The following TULP4 variants were observed in gnomAD, a reference collection of about 807,000 sequenced individuals.
The protein encoded by TULP4 is tubby-related protein 4.
In TULP4, 16 loss-of-function variants were observed where a neutral mutation model predicts 129.0. The ratio of observed to expected loss-of-function variants is 0.12; its 90% confidence interval spans 0.08 to 0.19. The LOEUF (loss-of-function observed/expected upper bound fraction) is 0.19, where lower values mean the gene tolerates loss of function less well. TULP4 is among the 10% of genes least tolerant of loss of function. The pLI is 1.00. For synonymous variants in TULP4, 998 were observed against 854.0 expected, an observed-to-expected ratio of 1.17 and a Z score of -2.94; for missense variants, 1,842 against 2,059.1, an observed-to-expected ratio of 0.89 and a Z score of 2.04.
At position 158,461,581 on chromosome 6, in the gene TULP4, G is replaced by C; in HGVS notation, c.878G>C (p.Cys293Ser). ...SGLKEVVAQW[C>S]TQGDLLAVAG... is the part of the protein sequence containing the mutation. The stretch of plus-strand genomic sequence containing the variant: ...GTTTCAGAGGTGGTAGCCCAGTGGT[G>C]CACACAGGGGGACTTGCTGGCAGTC... The change falls in exon 6 of 14, where the codon TGC becomes TCC. Residue 293 changes from cysteine to serine, a missense_variant. Physicochemically the swap from Cys to Ser is moderately radical, Grantham distance 112. Coordinates refer to ENST00000367097, the MANE Select transcript of TULP4 (RefSeq NM_020245.5). The C allele has an allele frequency of 6.2e-7, 1 of 1,613,648 alleles. No homozygotes were observed. Among genetic ancestry groups the C allele is most frequent in the South Asian group, 1.1e-5 (1 of 91,032 alleles).
chr6:158,281,599 C>G (rs1305142063), upstream of TULP4, among the ~76,000 whole-genome samples: 2 of 152,122 alleles, frequency 1.3e-5, no homozygotes, highest in African/African-American at 4.8e-5. Flanking sequence ...GCCTTAGAAC[C>G]AATCCTTAGC....
intron 1 of TULP4, among the ~76,000 whole-genome samples, chr6:158,379,519 A>G (rs1222059006): frequency 3.3e-5 from 5 of 152,186 alleles, no homozygotes; most frequent in Non-Finnish European, 4.4e-5. Flanking sequence ...ATGTTTCATG[A>G]CGGTTTAAAG....
chr6:158,479,680 T>G lies in TULP4; in HGVS notation c.1027-71T>G, dbSNP rs963211350. On this transcript the variant is annotated intron_variant, in intron 6 of 13. Coordinates refer to ENST00000367097, the MANE Select transcript of TULP4 (RefSeq NM_020245.5). ...CTTATTTTATTTTGCTCGAGACAAG[T>G]GTGCATTATCCCTTTTTGCTTCCCA... The G allele has an allele frequency of 4.9e-6, 7 of 1,425,256 alleles. No homozygotes were observed. In the African/African-American group the frequency reaches 8.4e-5, roughly 17 times the overall value. 88.3% of individuals were successfully genotyped at this position (1,425,256 alleles called of 1,614,324 possible).
At chr6:158,451,214 G>C (rs1042046764) in intron 4 of TULP4, among the ~76,000 whole-genome samples, 3 of 144,036 alleles carry the variant, frequency 2.1e-5, no homozygotes, top group African/African-American at 8.8e-5. Context: ...CTCAGAAGCA[G>C]GGGGGGCAGT....
chr6:158,377,664 C>T (rs747172628), intron 1 of TULP4, among the ~76,000 whole-genome samples: 20 of 152,102 alleles, frequency 1.3e-4, no homozygotes, highest in Admixed American at 4.6e-4. Flanking sequence ...CCAAGTCTAG[C>T]GGGTGGCTGA....
upstream of TULP4, among the ~76,000 whole-genome samples, chr6:158,278,014 G>A (rs1488748242): frequency 6.6e-6 from 1 of 152,172 alleles, no homozygotes; most frequent in East Asian, 1.9e-4. Context: ...TTGAACCAGA[G>A]CCCAGGCTCA....
At chr6:158,330,401 G>A (rs552044151) in intron 1 of TULP4, among the ~76,000 whole-genome samples, 114 of 152,244 alleles carry the variant, frequency 7.5e-4, no homozygotes, top group African/African-American at 2.5e-3. Context: ...TTGGAATAAA[G>A]TACAAAGAAT....
chr6:158,233,080 C>T lies in TULP4; in HGVS notation n.68+777C>T, dbSNP rs184163524. 1.7e-3 allele frequency among the ~76,000 whole-genome samples: 263 copies of T among 152,282 alleles called. 5 individuals carry two copies. The highest frequency in any genetic ancestry group is 3.7e-4 in the Non-Finnish European group (25 of 68,026). The stretch of plus-strand genomic sequence containing the variant: ...GGGAGGTGTCTACTTCTTCCTGTGG[C>T]GACACCGCTTCAGGGATGGGAAGGT... On this transcript the variant is annotated intron_variant and non_coding_transcript_variant, in intron 1 of 1. Coordinates refer to the TULP4 transcript ENST00000620026.
chr6:158,485,740 A>T (rs1345606944), intron 8 of TULP4, among the ~76,000 whole-genome samples: 1 of 152,214 alleles, frequency 6.6e-6, no homozygotes, highest in Non-Finnish European at 1.5e-5. Flanking sequence ...AGGATATCAA[A>T]CCAAAGAAGA....
Position 158,313,805 on chromosome 6 carries a change from C to T in TULP4, c.-212C>T, listed in dbSNP as rs1209150685. 6 of 554,606 alleles carry T rather than the reference C, an allele frequency of 1.1e-5. No individual in the cohort carries two copies. The East Asian group carries it at 1.5e-4, about 14-fold the overall frequency. 34.4% of individuals were successfully genotyped at this position (554,606 alleles called of 1,614,324 possible). ...AGCATTACCTTTTCTTAGAAGACTG[C>T]CATCATCTTTTATAGAGGAATTTTT... On this transcript the variant is annotated 5_prime_UTR_variant, in exon 1 of 14. Coordinates refer to ENST00000367097, the MANE Select transcript of TULP4 (RefSeq NM_020245.5).
intron 1 of TULP4, among the ~76,000 whole-genome samples, chr6:158,406,499 A>C (rs1777980371): frequency 6.6e-6 from 1 of 152,212 alleles, no homozygotes. Context: ...AGGAGTTTGC[A>C]GCTATGATGA....
At chr6:158,375,967 GC>G (rs1365937517) in intron 1 of TULP4, among the ~76,000 whole-genome samples, 3 of 152,226 alleles carry the variant, frequency 2.0e-5, no homozygotes, top group Non-Finnish European at 4.4e-5. Flanking sequence ...CTGCGGGATG[GC>G]TCTGCTTTGC....
intron 1 of TULP4, chr6:158,232,375 C>T (rs1334251659): frequency 6.7e-6 from 1 of 148,818 alleles, no homozygotes; most frequent in East Asian, 2.0e-4. Context: ...AGCGTCGTCC[C>T]TGCCCCGCCG....
In TULP4 at chr6:158,313,519, C is replaced by T. The variant is rs1191650256; in HGVS notation, c.-498C>T. On this transcript the variant is annotated 5_prime_UTR_variant, in exon 1 of 14. Coordinates refer to ENST00000367097, the MANE Select transcript of TULP4 (RefSeq NM_020245.5). ...ATCCTGTGTATTCTGTCTCTGCATC[C>T]GAACTTTTGAAGAGAAAAATTCGAG... 18 of 402,074 alleles carry T rather than the reference C, an allele frequency of 4.5e-5. No homozygotes were observed. The East Asian group carries it at 4.6e-4, about 10-fold the overall frequency. 24.9% of individuals were successfully genotyped at this position (402,074 alleles called of 1,614,324 possible). A position where few individuals can be genotyped will look rare whatever the true frequency, so the allele number is the denominator to read the frequency against.
chr6:158,344,693 G>A (rs1272610599), intron 1 of TULP4, among the ~76,000 whole-genome samples: 2 of 152,088 alleles, frequency 1.3e-5, no homozygotes, highest in African/African-American at 2.4e-5. Context: ...CTTGAGCCTC[G>A]CTGTTGCCTG....
chr6:158,352,434 G>A (rs896365575), intron 1 of TULP4, among the ~76,000 whole-genome samples: 38 of 152,242 alleles, frequency 2.5e-4, no homozygotes, highest in African/African-American at 8.9e-4. Flanking sequence ...GTCTTACTCC[G>A]TCACCAGGCT....
rs560886748 is a variant in TULP4, at chr6:158,265,325, C to T, written n.68+33022C>T. Among the ~76,000 whole-genome samples the T allele has an allele frequency of 1.4e-4, 21 of 152,180 alleles. No individual in the cohort carries two copies. The South Asian group carries it at 4.4e-3, about 32-fold the overall frequency. ...TTTTATTTTATGACAACTTTACTTACTTGCTTATTTAGAGCTTAACCTTCT... is the reference window on the plus strand; with the variant it reads ...TTTTATTTTATGACAACTTTACTTATTTGCTTATTTAGAGCTTAACCTTCT... On this transcript the variant is annotated intron_variant and non_coding_transcript_variant, in intron 1 of 1. Coordinates refer to the TULP4 transcript ENST00000620026.
chr6:158,354,663 C>T (rs112195967), intron 1 of TULP4, among the ~76,000 whole-genome samples: 26,349 of 152,008 alleles, frequency 0.17, 2,707 homozygotes, highest in Middle Eastern at 0.26. Flanking sequence ...GAGGCCAAGG[C>T]GGGAGGATCA....
At chr6:158,480,042 A>C in intron 7 of TULP4, 67 bp downstream of exon 7, 2 of 1,322,126 alleles carry the variant, frequency 1.5e-6, no homozygotes, top group Non-Finnish European at 2.1e-6. Context: ...GAGCCAGGGC[A>C]GAGACAGGTG....
Sources: allele counts gnomAD v4.1 joint callset (sites outside exome capture counted in the v4.1 genomes callset), GRCh38; gene constraint gnomAD v4.1.1; transcripts MANE v1.5; gene names NCBI Gene and HGNC (gene_info 2026-07-23, HGNC 2026-07-21).